CD109: variants seen among roughly 807,000 people sequenced by gnomAD.
CD109 encodes CD109 molecule.
In CD109, 149 loss-of-function variants were observed where a neutral mutation model predicts 165.8. The observed-to-expected ratio is 0.90, with a 90% CI of 0.79 to 1.03. CD109 has a LOEUF of 1.03. Ranked by LOEUF, CD109 falls within the 50% of genes least tolerant of loss-of-function variation. The pLI is 0.00. For synonymous variants in CD109, 585 were observed against 592.1 expected (o/e 0.99, Z 0.18); for missense variants, 1,712 against 1,677.8 (o/e 1.02, Z -0.36).
intron 15 of CD109, among the ~76,000 whole-genome samples, chr6:73,780,067 A>G (rs1774421286): frequency 7.1e-6 from 1 of 141,674 alleles, no homozygotes; most frequent in Non-Finnish European, 1.5e-5. Context: ...CAGAGTTTAT[A>G]TTAATCTCCA....
intron 5 of CD109, among the ~76,000 whole-genome samples, chr6:73,753,409 A>T (rs1773269346): frequency 6.6e-6 from 1 of 152,228 alleles, no homozygotes; most frequent in Non-Finnish European, 1.5e-5. Context: ...TCATTAAAAT[A>T]ATTGAATTAA....
intron 23 of CD109, 28 bp from the exon 24 acceptor site, chr6:73,803,192 T>C: frequency 6.7e-7 from 1 of 1,496,102 alleles, no homozygotes; most frequent in South Asian, 1.1e-5. Context: ...AATGATTACT[T>C]TGACTATCTG....
Position 73,787,346 on chromosome 6 carries a change from C to T in CD109, c.2450C>T (p.Thr817Ile), listed in dbSNP as rs766062475. Residue 817 changes from threonine to isoleucine, a missense_variant, in exon 21 of 33, where the codon ACT (threonine) becomes ATT (isoleucine). Transcript: ENST00000287097. ...CTGGTTCCCAGTGAGGATGGGGCAA[C>T]TGTTCTTTTTCCCATCAGGCCAACA... is the stretch of plus-strand genomic sequence containing the variant. ...TLLVPSEDGA[T>I]VLFPIRPTHL... is the part of the protein sequence containing the mutation. The T allele has an allele frequency of 5.6e-6, 9 of 1,613,842 alleles. No homozygotes were observed. The highest frequency in any genetic ancestry group is 1.6e-4 in the Middle Eastern group (1 of 6,084).
rs748154629 is a variant in CD109, at chr6:73,758,905, A to G, written c.674-39A>G. ...AGATTTACCCTTGCTTCTTCGTCTC[A>G]AAAAGAAAAAAAGATTTACCCTTGC... On this transcript the variant is annotated intron_variant, in intron 6 of 32. Transcript: ENST00000287097. 14 of 1,161,088 alleles carry G rather than the reference A, an allele frequency of 1.2e-5. No homozygotes were observed. The Middle Eastern group carries it at 1.1e-3, about 88-fold the overall frequency. The allele number at this position is 1,161,088 out of a possible 1,614,324, so 71.9% of individuals were successfully genotyped here.
At chr6:73,761,340 T>C (rs1402231834) in intron 7 of CD109, among the ~76,000 whole-genome samples, 1 of 152,182 alleles carries the variant, frequency 6.6e-6, no homozygotes, top group Non-Finnish European at 1.5e-5. Flanking sequence ...GAAAGATTTA[T>C]GTAATCTTTA....
At chr6:73,744,191 A>G (rs1772896081) in intron 5 of CD109, among the ~76,000 whole-genome samples, 2 of 152,212 alleles carry the variant, frequency 1.3e-5, no homozygotes, top group South Asian at 4.1e-4. Flanking sequence ...TGTCTGCCTC[A>G]TTTCTTAAAC....
intron 2 of CD109, among the ~76,000 whole-genome samples, chr6:73,721,606 C>T (rs1444632340): frequency 6.6e-6 from 1 of 151,936 alleles, no homozygotes; most frequent in Non-Finnish European, 1.5e-5. Flanking sequence ...CCTCATGATC[C>T]ACCCGCCTCG....
chr6:73,690,005 A>T, the CD109 span, among the ~76,000 whole-genome samples: 1 of 152,206 alleles, frequency 6.6e-6, no homozygotes, highest in Non-Finnish European at 1.5e-5. Flanking sequence ...TTTTCACTGC[A>T]AAGCCAACTA....
At chr6:73,781,187 G>T in intron 16 of CD109, 72 bp from the exon 17 acceptor site, 1 of 1,271,474 alleles carries the variant, frequency 7.9e-7, no homozygotes, top group Non-Finnish European at 1.1e-6. Flanking sequence ...CAGGAGTTTG[G>T]GAGACTGCCT....
At chr6:73,716,201 C>T (rs2150161250) in intron 2 of CD109, among the ~76,000 whole-genome samples, 1 of 152,292 alleles carries the variant, frequency 6.6e-6, no homozygotes. Context: ...TAGGTTGCTT[C>T]CAAATCTTAG....
In CD109 at chr6:73,730,535, T is replaced by C; in HGVS notation, c.468T>C (p.Asp156=). 8.7e-6 allele frequency: 14 copies of C among 1,614,000 alleles called. No individual in the cohort carries two copies. The highest frequency in any genetic ancestry group is 1.2e-5 in the Non-Finnish European group (14 of 1,179,868). ...VKFRIVTLFS[D]FKPYKTSLNI... is the part of the protein sequence containing the mutation. Reference sequence around the variant, plus strand: ...TTCGCATTGTTACACTCTTCTCAGATTTTAAGCCTTACAAAACCTCTTTAA... The same window carrying C: ...TTCGCATTGTTACACTCTTCTCAGACTTTAAGCCTTACAAAACCTCTTTAA... Residue 156 remains aspartate (D), a synonymous_variant, in exon 4 of 33, where the codon GAT becomes GAC. Coordinates refer to ENST00000287097, the MANE Select transcript of CD109 (RefSeq NM_133493.5).
At position 73,810,054 on chromosome 6, in the gene CD109, T is replaced by G; in HGVS notation, c.3426T>G (p.Ile1142Met). The G allele has an allele frequency of 6.2e-7, 1 of 1,607,676 alleles. No individual in the cohort carries two copies. The highest frequency in any genetic ancestry group is 8.5e-7 in the Non-Finnish European group (1 of 1,178,018). Residue 1142 changes from isoleucine to methionine, a missense_variant, in exon 27 of 33, where the codon ATT becomes ATG. By Grantham distance (10) the Ile-to-Met change is conservative (BLOSUM62 1). Transcript: ENST00000287097. ...CCTGGCAGCCACGCTCCCTGGATAT[T>G]GAAGTTGCAGCCTATGCACTGCTCT... ...SDSWQPRSLD[I>M]EVAAYALLSH...
intron 3 of CD109, among the ~76,000 whole-genome samples, chr6:73,730,031 C>T (rs2150179267): frequency 6.6e-6 from 1 of 152,250 alleles, no homozygotes; most frequent in Middle Eastern, 3.4e-3. Flanking sequence ...GTTAGATATT[C>T]TGACCTGCAA....
intron 4 of CD109, among the ~76,000 whole-genome samples, chr6:73,734,843 G>A (rs925572524): frequency 6.6e-6 from 1 of 152,162 alleles, no homozygotes; most frequent in Non-Finnish European, 1.5e-5. Flanking sequence ...CTCAGTCACA[G>A]TCTAGTTGGG....
chr6:73,812,407 ACT>A lies in CD109; in HGVS notation c.3768+138_3768+139del, dbSNP rs1775787572. On this transcript the variant is annotated intron_variant, in intron 29 of 32. Coordinates refer to ENST00000287097, the MANE Select transcript of CD109 (RefSeq NM_133493.5). ...ATCTGTGACTTAAGCAAGATATATC[ACT>A]GTCTTTAATAAAAAGTATTAGAGAT... 5 of 577,248 alleles carry A rather than the reference ACT, an allele frequency of 8.7e-6. No homozygotes were observed. In the Admixed American group the frequency reaches 1.6e-4, roughly 19 times the overall value. The allele number at this position is 577,248 out of a possible 1,614,324, so 35.8% of individuals were successfully genotyped here. A position where few individuals can be genotyped will look rare whatever the true frequency, so the allele number is the denominator to read the frequency against.
intron 3 of CD109, among the ~76,000 whole-genome samples, chr6:73,727,698 A>G (rs1772193513): frequency 1.3e-5 from 2 of 152,160 alleles, no homozygotes; most frequent in African/African-American, 2.4e-5. Flanking sequence ...TCAATCTAGC[A>G]TCTGTTCTGG....
chr6:73,691,441 T>C (rs1770687828), upstream of CD109, among the ~76,000 whole-genome samples: 1 of 152,246 alleles, frequency 6.6e-6, no homozygotes, highest in African/African-American at 2.4e-5. Context: ...ATGTGCCAGT[T>C]CACTTTGTGG....
chr6:73,763,543 T>A, intron 9 of CD109, 33 bp from the exon 10 acceptor site: 1 of 1,241,494 alleles, frequency 8.1e-7, no homozygotes, highest in Non-Finnish European at 1.2e-6. Flanking sequence ...AAACATTACT[T>A]TTGCTTTCTA....
intron 5 of CD109, among the ~76,000 whole-genome samples, chr6:73,738,326 G>A (rs1052145795): frequency 2.0e-5 from 3 of 152,330 alleles, no homozygotes; most frequent in African/African-American, 7.2e-5. Context: ...TAACCATCAT[G>A]CCCAGAATCT....
Sources: gnomAD v4.1 joint callset for allele counts (sites outside exome capture counted in the v4.1 genomes callset) on GRCh38, gnomAD v4.1.1 for gene constraint, MANE v1.5 for transcripts, NCBI Gene and HGNC (gene_info 2026-07-23, HGNC 2026-07-21) for gene names.